The following RAI2 variants were observed in gnomAD, a reference collection of about 807,000 sequenced individuals.
The protein encoded by RAI2 is retinoic acid-induced protein 2.
RAI2 carries 5 observed loss-of-function variants against 15.3 expected under a neutral mutation model. The observed-to-expected ratio is 0.33, with a 90% CI of 0.17 to 0.69. The LOEUF (loss-of-function observed/expected upper bound fraction) is 0.69. RAI2 is among the 30% of genes least tolerant of loss of function. RAI2 has a pLI of 0.69. For synonymous variants in RAI2, 191 were observed against 184.0 expected, an observed-to-expected ratio of 1.04 and a Z score of -0.31; for missense variants, 424 against 424.7, an observed-to-expected ratio of 1.00 and a Z score of 0.01.
At chrX:17,848,335 G>GA (rs1416050509) in intron 1 of RAI2, among the ~76,000 whole-genome samples, 2 of 106,207 alleles carry the variant, frequency 1.9e-5, no homozygotes, top group African/African-American at 6.9e-5. Context: ...AGAGAGAAAA[G>GA]AAAAAAGCTT....
At chrX:17,813,913 T>C (rs2067077051) in intron 1 of RAI2, among the ~76,000 whole-genome samples, 1 of 111,428 alleles carries the variant, frequency 9.0e-6, no homozygotes, top group African/African-American at 3.3e-5. Flanking sequence ...CCATCACCTA[T>C]TATGTGCTTT....
intron 1 of RAI2, among the ~76,000 whole-genome samples, chrX:17,821,539 G>GGT (rs1194290152): frequency 4.6e-5 from 5 of 109,445 alleles, no homozygotes; most frequent in Non-Finnish European, 9.5e-5. Context: ...ACTCTAAGGA[G>GGT]GTGTGTGTGT....
intron 1 of RAI2, among the ~76,000 whole-genome samples, chrX:17,845,090 A>G (rs2067440657): frequency 8.9e-6 from 1 of 112,171 alleles, no homozygotes; most frequent in Admixed American, 9.4e-5. Context: ...TGCTGATGCT[A>G]TTATTTAAGT....
intron 1 of RAI2, among the ~76,000 whole-genome samples, chrX:17,835,136 A>G (rs1358825687): frequency 8.9e-6 from 1 of 112,165 alleles, no homozygotes. Context: ...CAAATGTCAC[A>G]TTAAGGCGCC....
intron 1 of RAI2, among the ~76,000 whole-genome samples, chrX:17,855,100 T>C (rs1051259084): frequency 8.9e-6 from 1 of 112,516 alleles, no homozygotes; most frequent in African/African-American, 3.2e-5. Flanking sequence ...TCATCTGCTG[T>C]GCTATGGTTG....
At chrX:17,814,422 G>A (rs1316942554) in intron 1 of RAI2, among the ~76,000 whole-genome samples, 1 of 106,547 alleles carries the variant, frequency 9.4e-6, no homozygotes, top group African/African-American at 3.4e-5. Flanking sequence ...TGGTGTATAA[G>A]AGGCCAGTCT....
At chrX:17,835,485 G>A (rs894694893) in intron 1 of RAI2, among the ~76,000 whole-genome samples, 2 of 111,612 alleles carry the variant, frequency 1.8e-5, no homozygotes, top group African/African-American at 6.5e-5. Flanking sequence ...CATATTCCCT[G>A]CTCCCCAGCC....
rs1250779214 is a variant in RAI2, at chrX:17,800,083, T to C, written c.*335A>G. ...ACAAACATTTATTGTGAAATATTCA[T>C]CCTACCCTTTATTAGGTATTACATC... is the stretch of plus-strand genomic sequence containing the variant. On this transcript the variant is annotated 3_prime_UTR_variant, in exon 2 of 2. Coordinates refer to ENST00000451717, the MANE Select transcript of RAI2 (RefSeq NM_021785.6). 1 of 182,629 alleles carries C rather than the reference T, an allele frequency of 5.5e-6. No homozygotes were observed. Among genetic ancestry groups the C allele is most frequent in the Non-Finnish European group, 1.0e-5 (1 of 98,943 alleles). 15.1% of individuals were successfully genotyped at this position (182,629 alleles called of 1,213,427 possible). A position where few individuals can be genotyped will look rare whatever the true frequency, so the allele number is the denominator to read the frequency against.
intron 1 of RAI2, among the ~76,000 whole-genome samples, chrX:17,847,570 A>G (rs2088728224): frequency 8.9e-6 from 1 of 112,709 alleles, no homozygotes; most frequent in South Asian, 3.6e-4. Flanking sequence ...GTGACCGTGT[A>G]GTTGAAGTGA....
intron 1 of RAI2, chrX:17,837,615 T>A (rs1381800062): frequency 8.9e-6 from 1 of 112,117 alleles, no homozygotes; most frequent in Non-Finnish European, 1.9e-5. Context: ...TGTTTGGTAG[T>A]GGAATTCTGT....
chrX:17,854,422 T>G (rs909399023), intron 1 of RAI2, among the ~76,000 whole-genome samples: 7 of 112,065 alleles, frequency 6.2e-5, no homozygotes, highest in African/African-American at 2.3e-4. Flanking sequence ...CCTAGAACAT[T>G]CTATGTGGTT....
At position 17,800,977 on chromosome X, in the gene RAI2, A is replaced by G. The variant is rs1168713291; in HGVS notation, c.1034T>C (p.Leu345Pro). The change falls in exon 2 of 2, where the codon CTG becomes CCG. Residue 345 changes from leucine (L) to proline (P), a missense_variant. By Grantham distance (98) the Leu-to-Pro change is moderately conservative. Coordinates refer to ENST00000451717, the MANE Select transcript of RAI2 (RefSeq NM_021785.6). ...GGATTTCCGGTGGGCTGCCACTGAC[A>G]GGTCTAGGGCTGCATCTTCCTGGAA... ...PIFQEDAALD[L>P]SVAAHRKSEP... The G allele has an allele frequency of 1.7e-6, 2 of 1,210,793 alleles. No homozygotes were observed.
chrX:17,808,962 G>GT (rs774262028), intron 1 of RAI2, among the ~76,000 whole-genome samples: 3 of 112,221 alleles, frequency 2.7e-5, no homozygotes, highest in Non-Finnish European at 5.6e-5. Context: ...TTCCAACTGG[G>GT]TAACAACTGG....
chrX:17,823,560 G>A (rs1190390163), intron 1 of RAI2, among the ~76,000 whole-genome samples: 1 of 111,546 alleles, frequency 9.0e-6, no homozygotes. Context: ...GTCAAGAGCA[G>A]AGGTGGTGGG....
chrX:17,859,032 G>T (rs1238672836), intron 1 of RAI2, among the ~76,000 whole-genome samples: 1 of 111,443 alleles, frequency 9.0e-6, no homozygotes, highest in East Asian at 2.8e-4. Context: ...GTGTATGTGG[G>T]GGTGTGGGGG....
intron 1 of RAI2, among the ~76,000 whole-genome samples, chrX:17,826,168 T>C (rs1354740134): frequency 1.8e-5 from 2 of 112,585 alleles, no homozygotes; most frequent in African/African-American, 6.5e-5. Context: ...TCAGGGCCTT[T>C]GTACTGGCCA....
intron 1 of RAI2, among the ~76,000 whole-genome samples, chrX:17,857,454 T>G (rs1191256540): frequency 8.9e-6 from 1 of 111,936 alleles, no homozygotes; most frequent in Non-Finnish European, 1.9e-5. Flanking sequence ...TGAGACAGTT[T>G]CTAGTTAAAA....
chrX:17,849,730 G>T (rs769144023), intron 1 of RAI2, among the ~76,000 whole-genome samples: 2 of 112,558 alleles, frequency 1.8e-5, no homozygotes, highest in Non-Finnish European at 3.8e-5. Context: ...AAGTGGCTCA[G>T]TTCTCAACAG....
intron 1 of RAI2, among the ~76,000 whole-genome samples, chrX:17,812,406 C>A (rs2067059677): frequency 8.9e-6 from 1 of 112,228 alleles, no homozygotes; most frequent in Admixed American, 9.4e-5. Flanking sequence ...CCCAACATAG[C>A]TGAAATGAGC....
Sources: allele counts gnomAD v4.1 joint callset (sites outside exome capture counted in the v4.1 genomes callset), GRCh38; gene constraint gnomAD v4.1.1; transcripts MANE v1.5; gene names NCBI Gene and HGNC (gene_info 2026-07-23, HGNC 2026-07-21).